The following CPEB1 variants were observed in gnomAD, a reference collection of about 807,000 sequenced individuals.
CPEB1 encodes the protein cytoplasmic polyadenylation element-binding protein 1.
In CPEB1, 7 loss-of-function variants were observed where a neutral mutation model predicts 65.8. That is an observed-to-expected ratio of 0.11 (90% CI 0.06 to 0.20). The LOEUF is 0.20. Among genes scored for constraint, CPEB1 ranks in the 10% least tolerant of loss-of-function variants. CPEB1 has a pLI of 1.00. For synonymous variants in CPEB1, 262 were observed against 260.0 expected (o/e 1.01, Z -0.08); for missense variants, 551 against 712.2 (o/e 0.77, Z 2.58).
chr15:82,636,556 T>C (rs1311189383), intron 1 of CPEB1, among the ~76,000 whole-genome samples: 1 of 152,198 alleles, frequency 6.6e-6, no homozygotes, highest in Non-Finnish European at 1.5e-5. Context: ...TATGAGAACA[T>C]TAGAGAATAT....
At chr15:82,578,836 T>C (rs2040936201) in intron 3 of CPEB1, among the ~76,000 whole-genome samples, 1 of 152,168 alleles carries the variant, frequency 6.6e-6, no homozygotes, top group Admixed American at 6.6e-5. Flanking sequence ...TTTTTTGTTT[T>C]GTTTTGTTTT....
At chr15:82,619,915 AG>A (rs1347273264) in intron 3 of CPEB1, among the ~76,000 whole-genome samples, 1 of 152,192 alleles carries the variant, frequency 6.6e-6, no homozygotes, top group Non-Finnish European at 1.5e-5. Flanking sequence ...TCCCTCTCCT[AG>A]GAAGATAACC....
chr15:82,590,236 AAAAAC>A (rs2042131501), intron 3 of CPEB1, among the ~76,000 whole-genome samples: 2 of 145,540 alleles, frequency 1.4e-5, no homozygotes, highest in African/African-American at 2.6e-5. Context: ...AAAAAAAAAA[AAAAAC>A]AGTTGTTAGT....
intron 3 of CPEB1, among the ~76,000 whole-genome samples, chr15:82,577,233 T>C (rs2040749756): frequency 6.6e-6 from 1 of 152,190 alleles, no homozygotes. Context: ...ACTATTTTTA[T>C]TGTTTTGTAG....
chr15:82,620,010 G>T (rs1013057368), intron 3 of CPEB1, among the ~76,000 whole-genome samples: 1 of 152,186 alleles, frequency 6.6e-6, no homozygotes, highest in Non-Finnish European at 1.5e-5. Flanking sequence ...CCTATTAACA[G>T]TATAATGAAT....
At chr15:82,612,844 AC>A (rs34271223) in intron 3 of CPEB1, among the ~76,000 whole-genome samples, 64,321 of 151,076 alleles carry the variant, frequency 0.43, 13,690 homozygotes, top group African/African-American at 0.49. Flanking sequence ...AAAAAAAAGA[AC>A]AAACAAACAA....
In CPEB1 at chr15:82,555,163, A is replaced by G. The variant is rs117233652; in HGVS notation, c.940+707T>C. Among the ~76,000 whole-genome samples, 319 of 151,094 alleles carry G rather than the reference A, an allele frequency of 2.1e-3. 2 individuals carry two copies. The highest frequency in any genetic ancestry group is 2.9e-3 in the Non-Finnish European group (195 of 67,334). On this transcript the variant is annotated intron_variant, in intron 6 of 12. Transcript: ENST00000684509. ...CAAAGATGAAAAACACATTTAATAC[A>G]TATTTAGGATAATTTATTTTTTAAA... is the stretch of plus-strand genomic sequence containing the variant.
intron 3 of CPEB1, among the ~76,000 whole-genome samples, chr15:82,615,334 T>G (rs144115276): frequency 6.6e-6 from 1 of 152,132 alleles, no homozygotes; most frequent in East Asian, 1.9e-4. Context: ...CTACAGAACA[T>G]TGGAGGCAGG....
rs2038774275 is a variant in CPEB1 at position 82,564,387 on chromosome 15, G to A, written c.461-6401C>T. On this transcript the variant is annotated intron_variant, in intron 4 of 12. Coordinates refer to ENST00000684509, the MANE Select transcript of CPEB1 (RefSeq NM_001365242.1). ...TGCAAGCTCTGCCTCCCGGGTTCAC[G>A]CCATTCTCCTGCCTCAGCCTCCCGA... 4.6e-5 allele frequency among the ~76,000 whole-genome samples: 7 copies of A among 152,116 alleles called. No homozygotes were observed. The South Asian group carries it at 6.2e-4, about 14-fold the overall frequency.
intron 3 of CPEB1, 54 bp downstream of exon 3, chr15:82,627,139 A>G: frequency 7.1e-7 from 1 of 1,412,294 alleles, no homozygotes; most frequent in Non-Finnish European, 9.6e-7. Flanking sequence ...TGCACTACTT[A>G]GAAGCAGATC....
At chr15:82,572,756 C>T (rs917856177) in intron 3 of CPEB1, among the ~76,000 whole-genome samples, 6 of 152,322 alleles carry the variant, frequency 3.9e-5, no homozygotes, top group South Asian at 2.1e-4. Flanking sequence ...ACAGGGCAGC[C>T]GTGAGGGCCA....
chr15:82,640,887 A>G (rs929105580), intron 1 of CPEB1: 2 of 151,952 alleles, frequency 1.3e-5, no homozygotes, highest in African/African-American at 4.8e-5. Context: ...AAGACAAGAC[A>G]AGATTGATCA....
intron 10 of CPEB1, chr15:82,548,680 T>G: frequency 2.2e-6 from 1 of 455,708 alleles, no homozygotes; most frequent in Non-Finnish European, 4.4e-6. Context: ...GGAGACCTAT[T>G]AAGAGAGCTG....
intron 3 of CPEB1, among the ~76,000 whole-genome samples, chr15:82,617,727 T>A (rs925228999): frequency 1.7e-5 from 2 of 117,708 alleles, no homozygotes; most frequent in Non-Finnish European, 3.6e-5. Flanking sequence ...TATTAAAGTT[T>A]TTTTTTTTTT....
chr15:82,646,399 A>AG (rs774541868), intron 1 of CPEB1, among the ~76,000 whole-genome samples: 1 of 152,164 alleles, frequency 6.6e-6, no homozygotes, highest in Non-Finnish European at 1.5e-5. Context: ...AGGGAGACCA[A>AG]GGGAAGCGGT....
In CPEB1 at chr15:82,546,622, G is replaced by T. The variant is rs577733442; in HGVS notation, c.1576-101C>A. ...ATTATTGGCCACACACAGGAATGCG[G>T]GATATTGGAATGCAGGATATTTGCC... On this transcript the variant is annotated intron_variant, in intron 11 of 12. Coordinates refer to ENST00000684509, the MANE Select transcript of CPEB1 (RefSeq NM_001365242.1). 1.5e-4 allele frequency: 129 copies of T among 852,164 alleles called. No homozygotes were observed. In the African/African-American group the frequency reaches 1.9e-3, roughly 12 times the overall value. The allele number at this position is 852,164 out of a possible 1,614,324, so 52.8% of individuals were successfully genotyped here.
intron 3 of CPEB1, among the ~76,000 whole-genome samples, chr15:82,605,013 A>G (rs985399147): frequency 2.0e-4 from 30 of 152,226 alleles, no homozygotes; most frequent in African/African-American, 7.2e-4. Flanking sequence ...ATCATCATAT[A>G]TGACATACAA....
intron 3 of CPEB1, among the ~76,000 whole-genome samples, chr15:82,602,194 A>G (rs1353819269): frequency 2.6e-5 from 4 of 152,236 alleles, no homozygotes; most frequent in African/African-American, 7.2e-5. Flanking sequence ...ATAAAAATTC[A>G]TAACAAAAAG....
intron 3 of CPEB1, among the ~76,000 whole-genome samples, chr15:82,591,883 C>T (rs531208349): frequency 6.3e-4 from 95 of 150,184 alleles, no homozygotes; most frequent in African/African-American, 2.2e-3. Flanking sequence ...TAATCTGTCA[C>T]CCAGGCTGGA....
Sources: gnomAD v4.1 joint callset for allele counts (sites outside exome capture counted in the v4.1 genomes callset) on GRCh38, gnomAD v4.1.1 for gene constraint, MANE v1.5 for transcripts, NCBI Gene and HGNC (gene_info 2026-07-23, HGNC 2026-07-21) for gene names.